ATAD2B: variants seen among roughly 807,000 people sequenced by gnomAD.
ATAD2B encodes ATPase family AAA domain containing 2B.
In ATAD2B, 40 loss-of-function variants were observed where a neutral mutation model predicts 167.6. The ratio of observed to expected loss-of-function variants is 0.24; its 90% CI spans 0.19 to 0.31. The LOEUF (loss-of-function observed/expected upper bound fraction) is 0.31. Among genes scored for constraint, ATAD2B ranks in the 10% least tolerant of loss-of-function variants. ATAD2B has a pLI of 1.00. For synonymous variants in ATAD2B, 579 were observed against 596.5 expected, an observed-to-expected ratio of 0.97 and a Z score of 0.43; for missense variants, 1,242 against 1,757.2, an observed-to-expected ratio of 0.71 and a Z score of 5.24.
At chr2:23,781,535 G>C (rs1356916934) in intron 22 of ATAD2B, among the ~76,000 whole-genome samples, 1 of 151,570 alleles carries the variant, frequency 6.6e-6, no homozygotes, top group African/African-American at 2.4e-5. Flanking sequence ...CGTGGTGGCA[G>C]GTGCCTGAAA....
chr2:23,754,684 G>A lies in ATAD2B; in HGVS notation c.4169C>T (p.Pro1390Leu). The A allele has an allele frequency of 6.2e-7, 1 of 1,613,028 alleles. No individual in the cohort carries two copies. ...LELVPEEPSE[P>L]VPPLIVDRER... ...ACGATCAACTATAAGAGGAGGCACA[G>A]GCTCAGATGGCTCTTCTGGAACCAG... The change falls in exon 26 of 28, where the codon CCT (proline) becomes CTT (leucine). Residue 1390 changes from proline to leucine, a missense_variant. This residue lies in a region of ATAD2B where 282 missense variants were observed against 346.8 expected (regional missense o/e 0.81). Coordinates refer to ENST00000238789, the MANE Select transcript of ATAD2B (RefSeq NM_017552.4).
intron 15 of ATAD2B, 70 bp from the exon 16 acceptor site, chr2:23,823,639 T>A: frequency 7.4e-7 from 1 of 1,353,290 alleles, no homozygotes; most frequent in Non-Finnish European, 1.0e-6. Context: ...GTTTTGTAAA[T>A]ATACACATCT....
At chr2:23,685,323 C>T in the ATAD2B span, 1 of 152,196 alleles carries the variant, frequency 6.6e-6, no homozygotes, top group African/African-American at 2.4e-5. Flanking sequence ...CACCTTCCAG[C>T]TCCGTAGTAA....
the ATAD2B span, among the ~76,000 whole-genome samples, chr2:23,728,765 G>T: frequency 4.6e-5 from 7 of 151,836 alleles, no homozygotes; most frequent in African/African-American, 1.7e-4. Context: ...TATGTATTTG[G>T]GGAATTAAAA....
chr2:23,813,615 G>A (rs1477632661), intron 17 of ATAD2B, among the ~76,000 whole-genome samples: 1 of 151,294 alleles, frequency 6.6e-6, no homozygotes, highest in African/African-American at 2.4e-5. Context: ...GTGTGGTGGT[G>A]TGCACCTGTA....
At chr2:23,812,733 C>T (rs184649725) in intron 17 of ATAD2B, among the ~76,000 whole-genome samples, 4 of 151,226 alleles carry the variant, frequency 2.6e-5, no homozygotes, top group Non-Finnish European at 4.4e-5. Context: ...CGTGGTGGCA[C>T]GTGCCTGTAG....
chr2:23,714,200 A>C, the ATAD2B span, among the ~76,000 whole-genome samples: 1 of 152,058 alleles, frequency 6.6e-6, no homozygotes, highest in Non-Finnish European at 1.5e-5. Context: ...AATCTTGTGA[A>C]GACTCAGAAG....
intron 22 of ATAD2B, among the ~76,000 whole-genome samples, chr2:23,774,597 G>A (rs1446687917): frequency 6.6e-6 from 1 of 152,054 alleles, no homozygotes; most frequent in Admixed American, 6.6e-5. Context: ...GAGATTCCTT[G>A]AGTTAGTATC....
intron 2 of ATAD2B, among the ~76,000 whole-genome samples, chr2:23,891,211 G>C (rs575652577): frequency 9.7e-4 from 147 of 152,022 alleles, no homozygotes; most frequent in African/African-American, 3.5e-3. Context: ...GTAGAGACAG[G>C]GTTTCACCAT....
intron 4 of ATAD2B, 140 bp downstream of exon 4, chr2:23,887,692 A>T: frequency 1.5e-6 from 1 of 657,380 alleles, no homozygotes; most frequent in Non-Finnish European, 2.5e-6. Context: ...TGTTGAACTG[A>T]CCCACCACAC....
At chr2:23,872,578 G>A in intron 8 of ATAD2B, 2 of 1,214,090 alleles carry the variant, frequency 1.6e-6, no homozygotes, top group Non-Finnish European at 2.4e-6. Context: ...CCTCCGTGAG[G>A]TCTGCATGCC....
chr2:23,757,324 T>G, intron 25 of ATAD2B, 94 bp downstream of exon 25: 1 of 935,584 alleles, frequency 1.1e-6, no homozygotes, highest in Non-Finnish European at 1.5e-6. Context: ...GTATAATTAT[T>G]CATCAACTAT....
intron 21 of ATAD2B, 138 bp from the exon 22 acceptor site, chr2:23,783,166 C>T (rs368879315): frequency 1.1e-5 from 5 of 454,860 alleles, no homozygotes; most frequent in Admixed American, 4.0e-5. Context: ...AAAATTGCAG[C>T]GCTATTTATG....
chr2:23,771,827 TA>T (rs2149349597), intron 22 of ATAD2B, among the ~76,000 whole-genome samples: 1 of 152,296 alleles, frequency 6.6e-6, no homozygotes, highest in Non-Finnish European at 1.5e-5. Context: ...AGTACTTAGT[TA>T]AACACTAGGG....
chr2:23,706,347 G>A, the ATAD2B span: 27 of 629,318 alleles, frequency 4.3e-5, no homozygotes, highest in Non-Finnish European at 6.1e-5. Flanking sequence ...AGAGGGCAAA[G>A]AAGGGCAGCA....
intron 8 of ATAD2B, among the ~76,000 whole-genome samples, chr2:23,873,980 AG>A (rs1239229034): frequency 6.6e-6 from 1 of 151,944 alleles, no homozygotes; most frequent in Non-Finnish European, 1.5e-5. Flanking sequence ...TGAGGTCAGA[AG>A]TTCGAGACCA....
chr2:23,777,356 ATATC>A (rs1679308922), intron 22 of ATAD2B, among the ~76,000 whole-genome samples: 1 of 150,894 alleles, frequency 6.6e-6, no homozygotes, highest in Non-Finnish European at 1.5e-5. Context: ...TGATATATCT[ATATC>A]TATATCTATA....
the ATAD2B span, chr2:23,684,545 T>G: frequency 6.5e-7 from 1 of 1,543,376 alleles, no homozygotes; most frequent in Non-Finnish European, 8.7e-7. The surrounding 1 kb of genome is among the most constrained non-coding windows in gnomAD (Gnocchi z 4.4). Context: ...AAGGTTTGCC[T>G]TCCTTCCAGC....
chr2:23,880,789 G>C (rs1382537456), intron 6 of ATAD2B, 34 bp from the exon 7 acceptor site: 1 of 1,284,366 alleles, frequency 7.8e-7, no homozygotes, highest in South Asian at 1.3e-5. Flanking sequence ...AAAGAAAAAG[G>C]CATTATTTTA....
Sources: allele counts gnomAD v4.1 joint callset (sites outside exome capture counted in the v4.1 genomes callset), GRCh38; gene constraint gnomAD v4.1.1; regional missense constraint gnomAD v4.1.1; non-coding constraint Gnocchi (gnomAD v3.1); transcripts MANE v1.5; gene names NCBI Gene and HGNC (gene_info 2026-07-23, HGNC 2026-07-21).